Variants in WDR27 observed in about 807,000 individuals in gnomAD.
WDR27 encodes the protein WD repeat-containing protein 27.
A neutral mutation model predicts 114.4 loss-of-function variants in WDR27; 100 were observed. The ratio of observed to expected loss-of-function variants is 0.87; its 90% CI spans 0.74 to 1.03. WDR27 has a LOEUF of 1.03. WDR27 is among the 50% of genes least tolerant of loss of function. The probability of loss-of-function intolerance (pLI) is 0.00; values close to 1 mark genes in which losing one functional copy is unlikely to be tolerated. For synonymous variants in WDR27, 449 were observed against 423.1 expected (o/e 1.06, Z -0.75); for missense variants, 1,129 against 1,092.9 (o/e 1.03, Z -0.47).
At chr6:169,563,340 G>GT (rs1463873401) in intron 25 of WDR27, among the ~76,000 whole-genome samples, 1 of 152,100 alleles carries the variant, frequency 6.6e-6, no homozygotes. Context: ...TGAACCACGC[G>GT]TGAGTCCTGA....
At chr6:169,656,145 G>A (rs1403825666) in intron 13 of WDR27, among the ~76,000 whole-genome samples, 2 of 151,958 alleles carry the variant, frequency 1.3e-5, no homozygotes, top group Non-Finnish European at 2.9e-5. Context: ...CAGAATGGGG[G>A]AGTGCATGTT....
chr6:169,588,527 T>C (rs984484439), intron 23 of WDR27, among the ~76,000 whole-genome samples: 3 of 152,246 alleles, frequency 2.0e-5, no homozygotes, highest in African/African-American at 7.2e-5. Context: ...CATGTATAAG[T>C]GGACCCGTGC....
intron 4 of WDR27, chr6:169,669,758 A>T (rs1423137320): frequency 6.6e-6 from 1 of 152,132 alleles, no homozygotes; most frequent in East Asian, 1.9e-4. Flanking sequence ...TTAACTCATG[A>T]TGTGAACTTT....
intron 25 of WDR27, among the ~76,000 whole-genome samples, chr6:169,554,430 C>T (rs549365320): frequency 6.6e-6 from 1 of 152,300 alleles, no homozygotes; most frequent in African/African-American, 2.4e-5. Context: ...CACAGATGTG[C>T]TACGATTCAT....
intron 19 of WDR27, among the ~76,000 whole-genome samples, chr6:169,636,031 G>A (rs551630539): frequency 6.6e-6 from 1 of 152,206 alleles, no homozygotes; most frequent in South Asian, 2.1e-4. Flanking sequence ...CCATATATAT[G>A]TATATATTTG....
At chr6:169,640,447 G>T (rs1818873767) in intron 17 of WDR27, among the ~76,000 whole-genome samples, 1 of 152,156 alleles carries the variant, frequency 6.6e-6, no homozygotes, top group South Asian at 2.1e-4. Context: ...CTGCCCTCAC[G>T]TGTAGAGTTC....
chr6:169,571,771 G>A (rs575915353), intron 25 of WDR27, among the ~76,000 whole-genome samples: 29 of 152,302 alleles, frequency 1.9e-4, no homozygotes, highest in African/African-American at 7.0e-4. Context: ...CAGGGGGTTT[G>A]AGGCTGTAGT....
intron 1 of WDR27, 49 bp from the exon 2 acceptor site, chr6:169,689,061 A>G: frequency 7.1e-7 from 1 of 1,409,026 alleles, no homozygotes; most frequent in Non-Finnish European, 9.5e-7. Flanking sequence ...CATATTTAAT[A>G]CAGAAAAAAA....
chr6:169,476,753 T>C (rs958390050), intron 25 of WDR27, among the ~76,000 whole-genome samples: 4 of 152,240 alleles, frequency 2.6e-5, no homozygotes, highest in Admixed American at 6.5e-5. Context: ...GTTTACTTAG[T>C]TATTGTTAGT....
intron 25 of WDR27, among the ~76,000 whole-genome samples, chr6:169,482,118 G>A (rs1052069836): frequency 2.0e-5 from 3 of 152,232 alleles, no homozygotes; most frequent in Admixed American, 6.5e-5. Context: ...TCCCTGCAAA[G>A]GACATGATCT....
rs1317078500 is a variant in WDR27 at position 169,658,400 on chromosome 6, AC to A, written c.1320-43del. On this transcript the variant is annotated intron_variant, in intron 12 of 25. Transcript: ENST00000448612. ...CCCCATGAAACTAGGAGCGCAAACG[AC>A]GATACGATGGAAATGCCTCAGTGAC... 3 of 1,467,072 alleles carry A rather than the reference AC, an allele frequency of 2.0e-6. No homozygotes were observed. In the Admixed American group the frequency reaches 5.8e-5, roughly 28 times the overall value. 90.9% of individuals were successfully genotyped at this position (1,467,072 alleles called of 1,614,324 possible).
intron 23 of WDR27, among the ~76,000 whole-genome samples, chr6:169,600,108 C>T (rs552693149): frequency 2.8e-4 from 43 of 152,242 alleles, no homozygotes; most frequent in African/African-American, 9.6e-4. Context: ...CCAGTTTGTT[C>T]GCACTGTGGT....
rs561554450 is a variant in WDR27, at chr6:169,608,464, G to A, written c.2321+5095C>T. On this transcript the variant is annotated intron_variant, in intron 22 of 25. Coordinates refer to ENST00000448612, the MANE Select transcript of WDR27 (RefSeq NM_182552.5). ...CTGGGAAAGCCTCACAATCATGGTG[G>A]AAGGCAAGGAGGGGCAAGTCCCATC... Among the ~76,000 whole-genome samples, 15 of 152,268 alleles carry A rather than the reference G, an allele frequency of 9.9e-5. No individual in the cohort carries two copies. The South Asian group carries it at 2.9e-3, about 29-fold the overall frequency.
At chr6:169,429,669 A>G in the WDR27 span, among the ~76,000 whole-genome samples, 1 of 152,122 alleles carries the variant, frequency 6.6e-6, no homozygotes, top group East Asian at 1.9e-4. Context: ...CCCAGCACAC[A>G]TGGGAGCAGG....
At chr6:169,635,027 A>C (rs1157169882) in intron 19 of WDR27, among the ~76,000 whole-genome samples, 1 of 152,228 alleles carries the variant, frequency 6.6e-6, no homozygotes, top group Non-Finnish European at 1.5e-5. Flanking sequence ...CCGAGATGGG[A>C]ACGCTGTGAC....
At chr6:169,567,874 C>T (rs1056061029) in intron 25 of WDR27, among the ~76,000 whole-genome samples, 7 of 152,170 alleles carry the variant, frequency 4.6e-5, no homozygotes, top group East Asian at 1.9e-4. Flanking sequence ...GGAGTGAGAG[C>T]GGCGGTCCAC....
At position 169,656,184 on chromosome 6, in the gene WDR27, T is replaced by TA. The variant is rs143850524; in HGVS notation, c.1402+2091dup. ...TGGTTTGTGACTATGCAAAAAAGGTTAAAAAAAAAAGGTACAACTCAAAGA... is the reference window on the plus strand; with the variant it reads ...TGGTTTGTGACTATGCAAAAAAGGTTAAAAAAAAAAAGGTACAACTCAAAGA... On this transcript the variant is annotated intron_variant, in intron 13 of 25. Coordinates refer to ENST00000448612, the MANE Select transcript of WDR27 (RefSeq NM_182552.5). Among the ~76,000 whole-genome samples the TA allele has an allele frequency of 1.3e-3, 188 of 146,668 alleles. No individual in the cohort carries two copies. The East Asian group carries it at 0.019, about 15-fold the overall frequency.
intron 24 of WDR27, among the ~76,000 whole-genome samples, chr6:169,577,432 C>CG (rs1210545656): frequency 6.6e-6 from 1 of 150,496 alleles, no homozygotes; most frequent in Non-Finnish European, 1.5e-5. Context: ...ATGGCTGCGT[C>CG]GGGGGCCTGG....
At chr6:169,641,933 G>C (rs777661819) in intron 17 of WDR27, among the ~76,000 whole-genome samples, 10 of 152,226 alleles carry the variant, frequency 6.6e-5, no homozygotes, top group Non-Finnish European at 1.5e-4. Flanking sequence ...CATGCTCGGC[G>C]GAAGGCCTGG....
Sources: gnomAD v4.1 joint callset for allele counts (sites outside exome capture counted in the v4.1 genomes callset) on GRCh38, gnomAD v4.1.1 for gene constraint, MANE v1.5 for transcripts, NCBI Gene and HGNC (gene_info 2026-07-23, HGNC 2026-07-21) for gene names.